Variants in SLC39A12 observed in about 807,000 individuals in gnomAD.
SLC39A12 encodes zinc transporter ZIP12.
SLC39A12 carries 63 observed loss-of-function variants against 71.1 expected under a neutral mutation model. That is an observed-to-expected ratio of 0.89 (90% CI 0.72 to 1.09). The LOEUF is 1.09. Ranked by LOEUF, SLC39A12 falls within the 50% of genes least tolerant of loss-of-function variation. SLC39A12 has a pLI of 0.00. For synonymous variants in SLC39A12, 351 were observed against 301.3 expected, an observed-to-expected ratio of 1.16 and a Z score of -1.71; for missense variants, 892 against 812.6, an observed-to-expected ratio of 1.10 and a Z score of -1.19.
At chr10:17,963,669 G>C (rs1834749861) in intron 3 of SLC39A12, among the ~76,000 whole-genome samples, 1 of 152,120 alleles carries the variant, frequency 6.6e-6, no homozygotes, top group Non-Finnish European at 1.5e-5. Context: ...TCCAGACTTT[G>C]CAGGAGGCTT....
chr10:17,957,105 A>G (rs943874255), intron 2 of SLC39A12, among the ~76,000 whole-genome samples: 1 of 152,200 alleles, frequency 6.6e-6, no homozygotes, highest in African/African-American at 2.4e-5. Context: ...AAAATTTCCC[A>G]TTGTTTAAAA....
intron 4 of SLC39A12, among the ~76,000 whole-genome samples, chr10:17,971,275 C>G (rs1274573632): frequency 9.2e-6 from 1 of 108,138 alleles, no homozygotes; most frequent in East Asian, 3.0e-4. Flanking sequence ...CCCTCCCCTC[C>G]CCTCCCCTCC....
intron 4 of SLC39A12, among the ~76,000 whole-genome samples, chr10:17,974,647 C>T (rs1223908871): frequency 6.6e-6 from 1 of 152,178 alleles, no homozygotes; most frequent in Non-Finnish European, 1.5e-5. Flanking sequence ...TTCTGAGTCA[C>T]CTGAAACTGA....
chr10:17,959,814 C>T (rs772467269), intron 2 of SLC39A12, among the ~76,000 whole-genome samples: 36 of 152,188 alleles, frequency 2.4e-4, no homozygotes, highest in Non-Finnish European at 1.2e-4. Context: ...ATTGCAGGAG[C>T]TGGGCATGTG....
chr10:18,025,679 T>C (rs1304309268), intron 12 of SLC39A12, among the ~76,000 whole-genome samples: 2 of 152,102 alleles, frequency 1.3e-5, no homozygotes, highest in African/African-American at 4.8e-5. Flanking sequence ...TTGTGAATAG[T>C]GTTGCAGTAA....
At chr10:17,998,631 G>T (rs1835750393) in intron 10 of SLC39A12, among the ~76,000 whole-genome samples, 1 of 152,094 alleles carries the variant, frequency 6.6e-6, no homozygotes, top group South Asian at 2.1e-4. Flanking sequence ...ATAAGTTAGT[G>T]AACCACAGGA....
chr10:17,990,159 C>T (rs769024220), intron 7 of SLC39A12, among the ~76,000 whole-genome samples: 3 of 152,000 alleles, frequency 2.0e-5, no homozygotes, highest in Non-Finnish European at 2.9e-5. Context: ...TACAAATGTT[C>T]CCTATTTTGT....
chr10:17,961,825 C>A lies in SLC39A12; in HGVS notation c.506C>A (p.Ala169Asp), dbSNP rs782718234. ...LSQNETEDILAFTRQYFDTSQ... is the reference protein window; with the variant it reads ...LSQNETEDILDFTRQYFDTSQ... ...CAGAATGAGACAGAAGATATCTTGG[C>A]TTTCACCAGGCAGTACTTTGACACT... Residue 169 changes from alanine (A) to aspartate (D), a missense_variant, in exon 3 of 13, where the codon GCT becomes GAT. Coordinates refer to ENST00000377369, the MANE Select transcript of SLC39A12 (RefSeq NM_001145195.2). 6.2e-7 allele frequency: 1 copy of A among 1,613,942 alleles called. No homozygotes were observed. The highest frequency in any genetic ancestry group is 8.5e-7 in the Non-Finnish European group (1 of 1,179,962).
intron 6 of SLC39A12, among the ~76,000 whole-genome samples, chr10:17,982,503 C>A (rs894722436): frequency 6.6e-6 from 1 of 152,098 alleles, no homozygotes; most frequent in Non-Finnish European, 1.5e-5. Flanking sequence ...GTTCAGCCAC[C>A]CACCTCTAAC....
intron 10 of SLC39A12, among the ~76,000 whole-genome samples, chr10:17,996,884 G>A (rs1835697719): frequency 3.3e-5 from 5 of 151,936 alleles, no homozygotes; most frequent in Admixed American, 3.3e-4. Context: ...TGTAGTCCCA[G>A]CTACTCGGGA....
chr10:17,981,948 G>A (rs1835271144), intron 6 of SLC39A12, among the ~76,000 whole-genome samples: 1 of 152,200 alleles, frequency 6.6e-6, no homozygotes, highest in Non-Finnish European at 1.5e-5. Context: ...GCTGAGTCAT[G>A]CTTTTTTTCC....
intron 9 of SLC39A12, among the ~76,000 whole-genome samples, chr10:17,994,481 T>C (rs555190621): frequency 2.6e-4 from 39 of 152,346 alleles, no homozygotes; most frequent in Middle Eastern, 3.4e-3. Context: ...TCTAAATTAC[T>C]TTACATAATG....
chr10:17,980,941 T>G (rs1050975499), intron 5 of SLC39A12, among the ~76,000 whole-genome samples: 1 of 152,204 alleles, frequency 6.6e-6, no homozygotes, highest in Non-Finnish European at 1.5e-5. Flanking sequence ...TTGTATGAAG[T>G]CTTTTTTAAC....
intron 11 of SLC39A12, chr10:18,002,111 G>C (rs1000831232): frequency 1.3e-5 from 2 of 151,996 alleles, no homozygotes; most frequent in Non-Finnish European, 1.5e-5. Context: ...TGCCTCCCAG[G>C]ACGCAAGATG....
chr10:17,966,369 G>A (rs1834824773), intron 4 of SLC39A12, among the ~76,000 whole-genome samples: 1 of 152,106 alleles, frequency 6.6e-6, no homozygotes. Context: ...CAAGTGCAGT[G>A]GTGGGACCGT....
intron 12 of SLC39A12, among the ~76,000 whole-genome samples, chr10:18,027,721 G>A (rs922953300): frequency 1.3e-5 from 2 of 152,188 alleles, no homozygotes; most frequent in South Asian, 2.1e-4. Flanking sequence ...CTGAGACAGT[G>A]TATACCTTTC....
At chr10:17,974,366 T>C (rs1835051029) in intron 4 of SLC39A12, among the ~76,000 whole-genome samples, 2 of 152,226 alleles carry the variant, frequency 1.3e-5, no homozygotes, top group Admixed American at 1.3e-4. Context: ...GTATTTATTG[T>C]AGTCATCACT....
chr10:18,018,497 G>T (rs1287448724), intron 12 of SLC39A12, among the ~76,000 whole-genome samples: 9 of 152,044 alleles, frequency 5.9e-5, no homozygotes, highest in Non-Finnish European at 1.3e-4. Flanking sequence ...TCACCATTAG[G>T]TATATTTTAG....
chr10:18,036,758 A>G (rs1385934136), intron 12 of SLC39A12, among the ~76,000 whole-genome samples: 1 of 5,590 alleles, frequency 1.8e-4, no homozygotes, highest in Non-Finnish European at 3.9e-4. Context: ...ATATATATAT[A>G]TATATATATA....
Sources: allele counts gnomAD v4.1 joint callset (sites outside exome capture counted in the v4.1 genomes callset), GRCh38; gene constraint gnomAD v4.1.1; transcripts MANE v1.5; gene names NCBI Gene and HGNC (gene_info 2026-07-23, HGNC 2026-07-21).